Variants in ANO2 observed in about 807,000 individuals in gnomAD.
ANO2 encodes the protein anoctamin-2.
ANO2 carries 101 observed loss-of-function variants against 124.2 expected under a neutral mutation model. The ratio of observed to expected loss-of-function variants is 0.81; its 90% CI spans 0.69 to 0.96. The LOEUF (loss-of-function observed/expected upper bound fraction) is 0.96, where lower values mean the gene tolerates loss of function less well. Ranked by LOEUF, ANO2 falls within the 40% of genes least tolerant of loss-of-function variation. The probability of loss-of-function intolerance (pLI) is 0.00; values close to 1 mark genes in which losing one functional copy is unlikely to be tolerated. For synonymous variants in ANO2, 486 were observed against 482.5 expected, an observed-to-expected ratio of 1.01 and a Z score of -0.09; for missense variants, 1,293 against 1,274.5, an observed-to-expected ratio of 1.01 and a Z score of -0.22.
chr12:5,585,743 GT>G (rs1943079924), intron 20 of ANO2, among the ~76,000 whole-genome samples: 1 of 152,164 alleles, frequency 6.6e-6, no homozygotes, highest in Admixed American at 6.5e-5. Flanking sequence ...TGGTAATGTA[GT>G]GCGTGAGTTC....
intron 14 of ANO2, among the ~76,000 whole-genome samples, chr12:5,693,039 G>A (rs1005070919): frequency 4.6e-5 from 7 of 151,960 alleles, no homozygotes; most frequent in Non-Finnish European, 7.4e-5. Context: ...CAGTTACTTC[G>A]GCGCATCCAT....
chr12:5,612,848 A>G (rs2136906092), intron 18 of ANO2, 53 bp downstream of exon 18: 2 of 1,611,406 alleles, frequency 1.2e-6, no homozygotes, highest in African/African-American at 1.3e-5. Context: ...GCTGGAGATA[A>G]GAATGGGGCT....
intron 3 of ANO2, among the ~76,000 whole-genome samples, chr12:5,872,709 A>G (rs1313861883): frequency 1.3e-5 from 2 of 152,132 alleles, no homozygotes; most frequent in Non-Finnish European, 2.9e-5. Context: ...AGAGGTCTAG[A>G]AAATCTTTCT....
rs1490734332 is a variant in ANO2 at position 5,925,020 on chromosome 12, G to A, written c.23-2216C>T. 6.6e-6 allele frequency among the ~76,000 whole-genome samples: 1 copy of A among 152,088 alleles called. No individual in the cohort carries two copies. Among genetic ancestry groups the A allele is most frequent in the East Asian group, 1.9e-4 (1 of 5,184 alleles). Reference sequence around the variant, plus strand: ...TCTCGCCTCCTCCCACTTCCCTTGTGCCTTCCTGCATGCCTGCCCCACAAG... The same window carrying A: ...TCTCGCCTCCTCCCACTTCCCTTGTACCTTCCTGCATGCCTGCCCCACAAG... On this transcript the variant is annotated intron_variant, in intron 1 of 24. Transcript: ENST00000682330. The surrounding 1 kb of genome is among the most constrained non-coding windows in gnomAD (Gnocchi z 4.6).
chr12:5,796,999 A>G (rs1186112456), intron 10 of ANO2, among the ~76,000 whole-genome samples: 1 of 152,216 alleles, frequency 6.6e-6, no homozygotes, highest in African/African-American at 2.4e-5. Flanking sequence ...TGAAAACCCA[A>G]AGAAACGGGT....
At chr12:5,859,037 G>C (rs906537205) in intron 3 of ANO2, among the ~76,000 whole-genome samples, 1 of 152,232 alleles carries the variant, frequency 6.6e-6, no homozygotes, top group African/African-American at 2.4e-5. Context: ...AATATAAGTT[G>C]CTGAAATCGA....
intron 15 of ANO2, among the ~76,000 whole-genome samples, chr12:5,638,166 A>C (rs1297444062): frequency 6.6e-6 from 1 of 151,984 alleles, no homozygotes; most frequent in Non-Finnish European, 1.5e-5. Flanking sequence ...CATCATCAAT[A>C]CCAGCTGAAC....
intron 10 of ANO2, among the ~76,000 whole-genome samples, chr12:5,764,195 A>G (rs1951814280): frequency 6.6e-6 from 1 of 152,208 alleles, no homozygotes; most frequent in African/African-American, 2.4e-5. Flanking sequence ...TCGAGATGAG[A>G]CAACTGAAGA....
chr12:5,685,604 C>A (rs527916236), intron 14 of ANO2, among the ~76,000 whole-genome samples: 9 of 152,046 alleles, frequency 5.9e-5, no homozygotes, highest in Non-Finnish European at 1.2e-4. Context: ...GGCAACATGG[C>A]GAAATGCTGC....
At chr12:5,665,203 G>T (rs374815890) in intron 14 of ANO2, among the ~76,000 whole-genome samples, 22 of 152,232 alleles carry the variant, frequency 1.4e-4, no homozygotes, top group African/African-American at 5.3e-4. Context: ...TGATGGATTT[G>T]GTCTCCAAGT....
chr12:5,626,614 G>A (rs751294308), intron 16 of ANO2, among the ~76,000 whole-genome samples: 3 of 151,736 alleles, frequency 2.0e-5, no homozygotes, highest in African/African-American at 7.3e-5. Context: ...TACCACTGAG[G>A]ATTGCAGCAG....
intron 16 of ANO2, among the ~76,000 whole-genome samples, chr12:5,621,794 A>C (rs1424640780): frequency 1.3e-5 from 2 of 151,816 alleles, no homozygotes; most frequent in African/African-American, 4.8e-5. Flanking sequence ...ACAGGCAGAC[A>C]CCGTGGAAGG....
At chr12:5,727,768 G>T (rs1289753702) in intron 14 of ANO2, among the ~76,000 whole-genome samples, 1 of 149,898 alleles carries the variant, frequency 6.7e-6, no homozygotes, top group African/African-American at 2.5e-5. Context: ...CTCCCCAGTA[G>T]CTGGGACTAC....
At chr12:5,680,942 C>T (rs1445371378) in intron 14 of ANO2, among the ~76,000 whole-genome samples, 2 of 152,180 alleles carry the variant, frequency 1.3e-5, no homozygotes, top group African/African-American at 4.8e-5. Context: ...GCATGACAGA[C>T]CTGTTGTACA....
intron 3 of ANO2, among the ~76,000 whole-genome samples, chr12:5,868,401 T>C (rs1005388096): frequency 1.3e-5 from 2 of 152,000 alleles, no homozygotes; most frequent in Admixed American, 6.6e-5. Flanking sequence ...TCTCTCTGAG[T>C]CTCAGCCTCC....
intron 3 of ANO2, among the ~76,000 whole-genome samples, chr12:5,913,390 G>A (rs762452349): frequency 1.1e-4 from 17 of 152,242 alleles, no homozygotes; most frequent in Non-Finnish European, 2.4e-4. Context: ...AGGCCACAGA[G>A]CAGCCTCCAG....
chr12:5,654,002 G>A (rs1947043932), intron 14 of ANO2, among the ~76,000 whole-genome samples: 1 of 152,188 alleles, frequency 6.6e-6, no homozygotes, highest in African/African-American at 2.4e-5. Flanking sequence ...CAGCAGCAGG[G>A]TTTTAGGTAG....
rs1477450744 is a variant in ANO2, at chr12:5,563,486, T to C, written c.2810A>G (p.Glu937Gly). Residue 937 changes from glutamate to glycine, a missense_variant, in exon 25 of 25, where the codon GAG becomes GGG. Transcript: ENST00000682330. ...GAAGAAATCCACTAATAAGCTCTTCTCTTTCTTGATCTGGTCGCTGATGTC... is the reference window on the plus strand; with the variant it reads ...GAAGAAATCCACTAATAAGCTCTTCCCTTTCTTGATCTGGTCGCTGATGTC... The part of the protein sequence containing the change: ...PTDISDQIKK[E>G]KSLLVDFFLK... 6.2e-7 allele frequency: 1 copy of C among 1,613,972 alleles called. No individual in the cohort carries two copies. Among genetic ancestry groups the C allele is most frequent in the Non-Finnish European group, 8.5e-7 (1 of 1,179,880 alleles).
intron 14 of ANO2, among the ~76,000 whole-genome samples, chr12:5,716,369 T>C (rs1282824493): frequency 6.6e-6 from 1 of 152,144 alleles, no homozygotes; most frequent in Non-Finnish European, 1.5e-5. Context: ...GCTCTTTCCA[T>C]CCTGCAGTCC....
Sources: gnomAD v4.1 joint callset for allele counts (sites outside exome capture counted in the v4.1 genomes callset) on GRCh38, gnomAD v4.1.1 for gene constraint, Gnocchi (gnomAD v3.1) non-coding constraint, MANE v1.5 for transcripts, NCBI Gene and HGNC (gene_info 2026-07-23, HGNC 2026-07-21) for gene names.